The following DOCK5 variants were observed in gnomAD, a reference collection of about 807,000 sequenced individuals.
DOCK5 encodes dedicator of cytokinesis 5.
A neutral mutation model predicts 251.8 loss-of-function variants in DOCK5; 142 were observed. The ratio of observed to expected loss-of-function variants is 0.56; its 90% CI spans 0.49 to 0.65. The LOEUF (loss-of-function observed/expected upper bound fraction) is 0.65, where lower values mean the gene tolerates loss of function less well. Ranked by LOEUF, DOCK5 falls within the 30% of genes least tolerant of loss-of-function variation. DOCK5 has a pLI of 0.00. For missense variants in DOCK5, 2,111 were observed against 2,312.3 expected (o/e 0.91, Z 1.79); for synonymous variants, 842 against 835.5 (o/e 1.01, Z -0.13).
chr8:25,293,390 C>T (rs1804542617), intron 6 of DOCK5, among the ~76,000 whole-genome samples: 3 of 152,108 alleles, frequency 2.0e-5, no homozygotes, highest in South Asian at 4.1e-4. Flanking sequence ...CAGATTCAAG[C>T]AGTATTTAGG....
chr8:25,201,187 G>C (rs936435773), intron 1 of DOCK5, among the ~76,000 whole-genome samples: 1 of 152,286 alleles, frequency 6.6e-6, no homozygotes, highest in Non-Finnish European at 1.5e-5. Context: ...GATTACAGGC[G>C]TGAGCCACTG....
At chr8:25,190,468 T>A (rs1400041924) in intron 1 of DOCK5, among the ~76,000 whole-genome samples, 4 of 152,188 alleles carry the variant, frequency 2.6e-5, no homozygotes, top group Non-Finnish European at 5.9e-5. Flanking sequence ...GATATAAAAA[T>A]CCCTGTTTTA....
intron 7 of DOCK5, among the ~76,000 whole-genome samples, chr8:25,298,735 A>G (rs1804680805): frequency 6.6e-6 from 1 of 152,000 alleles, no homozygotes; most frequent in African/African-American, 2.4e-5. Flanking sequence ...TAATTAAAAA[A>G]AAATTTTTTT....
chr8:25,252,418 C>CA (rs1445556743), intron 2 of DOCK5, among the ~76,000 whole-genome samples: 2 of 152,198 alleles, frequency 1.3e-5, no homozygotes, highest in Non-Finnish European at 2.9e-5. Context: ...TATTGTAATT[C>CA]AAAATCTATA....
At chr8:25,363,246 C>A in intron 29 of DOCK5, 105 bp downstream of exon 29, 1 of 914,152 alleles carries the variant, frequency 1.1e-6, no homozygotes, top group South Asian at 1.5e-5. Flanking sequence ...AACCCATCAT[C>A]TGTAAAGTGA....
intron 27 of DOCK5, among the ~76,000 whole-genome samples, chr8:25,356,498 T>C (rs1563213942): frequency 2.0e-5 from 3 of 151,840 alleles, no homozygotes; most frequent in Admixed American, 2.0e-4. Context: ...AGACCCTGTC[T>C]TAAAAAAAAT....
At chr8:25,384,170 T>G (rs1801118398) in intron 40 of DOCK5, among the ~76,000 whole-genome samples, 1 of 152,206 alleles carries the variant, frequency 6.6e-6, no homozygotes, top group Admixed American at 6.5e-5. Context: ...TAAAAGAAGT[T>G]ACACTTAAAA....
intron 5 of DOCK5, among the ~76,000 whole-genome samples, chr8:25,279,173 A>G (rs1804121887): frequency 6.6e-6 from 1 of 152,158 alleles, no homozygotes; most frequent in South Asian, 2.1e-4. Flanking sequence ...AATAGTGTTA[A>G]GTTGTGGTCT....
intron 5 of DOCK5, among the ~76,000 whole-genome samples, chr8:25,283,530 G>A (rs761762446): frequency 2.0e-5 from 3 of 152,190 alleles, no homozygotes; most frequent in Non-Finnish European, 4.4e-5. Context: ...CAGACCACAA[G>A]GACTCCGCCA....
intron 42 of DOCK5, 32 bp from the exon 43 acceptor site, chr8:25,391,864 G>C (rs1192324098): frequency 1.9e-6 from 3 of 1,606,030 alleles, no homozygotes; most frequent in Non-Finnish European, 2.6e-6. Context: ...TTCTAAGAGA[G>C]AAAAATACAG....
At chr8:25,362,204 GCTT>G (rs1800695237) in intron 28 of DOCK5, among the ~76,000 whole-genome samples, 1 of 152,146 alleles carries the variant, frequency 6.6e-6, no homozygotes, top group African/African-American at 2.4e-5. Flanking sequence ...TGGTGATTCT[GCTT>G]CTTGTGTGTA....
At chr8:25,195,775 A>G (rs1379936721) in intron 1 of DOCK5, among the ~76,000 whole-genome samples, 1 of 151,990 alleles carries the variant, frequency 6.6e-6, no homozygotes, top group Non-Finnish European at 1.5e-5. Flanking sequence ...CTTTTCCTTT[A>G]TTTATTTGTT....
chr8:25,380,348 C>T lies in DOCK5; in HGVS notation c.3980C>T (p.Thr1327Ile), dbSNP rs1287810838. 1.2e-6 allele frequency: 2 copies of T among 1,612,110 alleles called. No homozygotes were observed. Among genetic ancestry groups the T allele is most frequent in the Non-Finnish European group, 1.7e-6 (2 of 1,179,130 alleles). The change falls in exon 39 of 52, where the codon ACT becomes ATT. Residue 1327 changes from threonine to isoleucine, a missense_variant. Coordinates refer to ENST00000276440, the MANE Select transcript of DOCK5 (RefSeq NM_024940.8). ...AIKLSKELAETYESKVFDYEG... is the reference protein window; with the variant it reads ...AIKLSKELAEIYESKVFDYEG... ...AAGCTGAGCAAAGAGTTGGCTGAGACTTACGAAAGCAAAGTATTTGACTAC... is the reference window on the plus strand; with the variant it reads ...AAGCTGAGCAAAGAGTTGGCTGAGATTTACGAAAGCAAAGTATTTGACTAC...
At chr8:25,380,433 T>C (rs1040890474) in intron 39 of DOCK5, 39 bp downstream of exon 39, 8 of 1,522,070 alleles carry the variant, frequency 5.3e-6, no homozygotes, top group South Asian at 3.6e-5. Flanking sequence ...TCTGACAGGG[T>C]TGCTAAAATT....
At chr8:25,333,981 A>C in intron 20 of DOCK5, 115 bp from the exon 21 acceptor site, 1 of 733,932 alleles carries the variant, frequency 1.4e-6, no homozygotes, top group Non-Finnish European at 2.4e-6. Context: ...TAGAGTGGGA[A>C]TGCTGCAGAA....
intron 39 of DOCK5, among the ~76,000 whole-genome samples, chr8:25,381,519 T>C (rs1049427658): frequency 6.6e-6 from 1 of 151,872 alleles, no homozygotes; most frequent in Admixed American, 6.6e-5. Context: ...CCAGCTACTT[T>C]TGGGAGGCTG....
At chr8:25,397,263 T>A (rs1415315563) in intron 45 of DOCK5, among the ~76,000 whole-genome samples, 2 of 151,544 alleles carry the variant, frequency 1.3e-5, no homozygotes, top group Non-Finnish European at 2.9e-5. Flanking sequence ...ACAAGATAGA[T>A]CACAGGATGG....
At chr8:25,216,067 T>A (rs1802235501) in intron 1 of DOCK5, among the ~76,000 whole-genome samples, 1 of 151,782 alleles carries the variant, frequency 6.6e-6, no homozygotes, top group African/African-American at 2.4e-5. Context: ...ATACAATATG[T>A]CTATACGTGT....
intron 1 of DOCK5, among the ~76,000 whole-genome samples, chr8:25,241,013 C>G (rs1802926430): frequency 6.6e-6 from 1 of 152,202 alleles, no homozygotes; most frequent in African/African-American, 2.4e-5. Context: ...AGGTGTGTCT[C>G]TCAGCTCTCT....
Sources: gnomAD v4.1 joint callset for allele counts (sites outside exome capture counted in the v4.1 genomes callset) on GRCh38, gnomAD v4.1.1 for gene constraint, MANE v1.5 for transcripts, NCBI Gene and HGNC (gene_info 2026-07-23, HGNC 2026-07-21) for gene names.